ZC3H15: variants seen among roughly 807,000 people sequenced by gnomAD.
The protein encoded by ZC3H15 is zinc finger CCCH-type containing 15, also known as zinc finger CCCH domain-containing protein 15.
ZC3H15 carries 15 observed loss-of-function variants against 51.2 expected under a neutral mutation model. That is an observed-to-expected ratio of 0.29 (90% CI 0.20 to 0.45). The LOEUF is 0.45. ZC3H15 is among the 20% of genes least tolerant of loss of function. ZC3H15 has a pLI of 1.00. For synonymous variants in ZC3H15, 144 were observed against 162.8 expected (o/e 0.88, Z 0.88); for missense variants, 381 against 494.7 (o/e 0.77, Z 2.18).
At chr2:186,506,430 T>G (rs184392705) in intron 8 of ZC3H15, among the ~76,000 whole-genome samples, 7 of 152,364 alleles carry the variant, frequency 4.6e-5, no homozygotes, top group Non-Finnish European at 8.8e-5. Flanking sequence ...AAACGAAGTT[T>G]AGAAAAAATA....
In ZC3H15 at chr2:186,490,556, A is replaced by C. The variant is rs187845376; in HGVS notation, c.75+4099A>C. Among the ~76,000 whole-genome samples, 5 of 152,300 alleles carry C rather than the reference A, an allele frequency of 3.3e-5. No individual in the cohort carries two copies. The East Asian group carries it at 9.7e-4, about 29-fold the overall frequency. ...TTGCATGGATGGACAACAAGAATAC[A>C]TTAGTGCATTTGGGAGAAAACTAAT... is the stretch of plus-strand genomic sequence containing the variant. On this transcript the variant is annotated intron_variant, in intron 1 of 9. Transcript: ENST00000337859.
chr2:186,495,406 C>A, intron 2 of ZC3H15, 72 bp downstream of exon 2: 1 of 926,086 alleles, frequency 1.1e-6, no homozygotes, highest in Non-Finnish European at 1.5e-6. Context: ...GATAAAATGT[C>A]TGGTATTATT....
chr2:186,508,963 T>G lies in ZC3H15; in HGVS notation c.*230T>G. On this transcript the variant is annotated 3_prime_UTR_variant, in exon 10 of 10. Transcript: ENST00000337859. ...GATAAATTGAAAATATAATGGTCAT[T>G]GCAGAAAATGATTGATGTTGTAACT... 1.6e-6 allele frequency: 1 copy of G among 618,830 alleles called. No individual in the cohort carries two copies. The highest frequency in any genetic ancestry group is 3.0e-6 in the Non-Finnish European group (1 of 335,912). The allele number at this position is 618,830 out of a possible 1,614,324, so 38.3% of individuals were successfully genotyped here.
At chr2:186,498,373 G>A (rs114535851) in intron 2 of ZC3H15, among the ~76,000 whole-genome samples, 1,870 of 152,192 alleles carry the variant, frequency 0.012, 37 homozygotes, top group African/African-American at 0.042. Context: ...TATATTTGTC[G>A]AGTAGGGTTA....
chr2:186,500,578 G>C (rs751868346), intron 3 of ZC3H15: 7 of 549,218 alleles, frequency 1.3e-5, no homozygotes, highest in South Asian at 9.2e-5. Flanking sequence ...TTTGGTAGTA[G>C]GTAAGCAAAG....
intron 2 of ZC3H15, among the ~76,000 whole-genome samples, chr2:186,496,630 C>T (rs76904816): frequency 0.074 from 11,215 of 152,250 alleles, 641 homozygotes; most frequent in South Asian, 0.13. Context: ...AGAAATGTGT[C>T]GTTAGGCGAT....
intron 2 of ZC3H15, chr2:186,496,979 G>A (rs1030621107): frequency 3.1e-6 from 1 of 322,434 alleles, no homozygotes; most frequent in African/African-American, 2.3e-5. Flanking sequence ...TATTTTTCCT[G>A]GTTGTTCTTA....
intron 4 of ZC3H15, 48 bp downstream of exon 4, chr2:186,501,473 C>T (rs373302711): frequency 3.3e-5 from 49 of 1,474,484 alleles, no homozygotes; most frequent in Non-Finnish European, 3.9e-5. Flanking sequence ...TGAATACTTT[C>T]GGTTTGCTAC....
In ZC3H15 at chr2:186,504,212, G is replaced by T; in HGVS notation, c.715G>T (p.Glu239Ter). The change falls in exon 6 of 10, where the codon GAG (glutamate) becomes TAG (stop). Residue 239 changes from glutamate (E) to a stop codon, truncating the protein, a stop_gained and splice_region_variant. Transcript: ENST00000337859. LOFTEE classifies it high-confidence loss of function. ...EISLEDLIER[E>*]RSALGPNVTK... is the part of the protein sequence containing the mutation. Reference sequence around the variant, plus strand: ...TTCATTAGAAGATCTAATTGAGAGAGAGGTAACTGGTATCCTTTTCCTACC... The same window carrying T: ...TTCATTAGAAGATCTAATTGAGAGATAGGTAACTGGTATCCTTTTCCTACC... The T allele has an allele frequency of 6.3e-7, 1 of 1,575,558 alleles. No homozygotes were observed. Among genetic ancestry groups the T allele is most frequent in the Non-Finnish European group, 8.6e-7 (1 of 1,160,896 alleles).
rs140181657 is a variant in ZC3H15, at chr2:186,509,134, G to T, written c.*401G>T. 10 of 447,190 alleles carry T rather than the reference G, an allele frequency of 2.2e-5. No individual in the cohort carries two copies. In the East Asian group the frequency reaches 7.0e-4, roughly 31 times the overall value. The allele number at this position is 447,190 out of a possible 1,614,324, so 27.7% of individuals were successfully genotyped here. On this transcript the variant is annotated 3_prime_UTR_variant, in exon 10 of 10. Transcript: ENST00000337859. The stretch of plus-strand genomic sequence containing the variant: ...GAGTGATTTAATTTCCTCTGTATTT[G>T]TATGTTTAGAAGACTGCCTAAAACA...
chr2:186,486,541 C>T (rs1230445995), intron 1 of ZC3H15, 84 bp downstream of exon 1: 69 of 1,438,350 alleles, frequency 4.8e-5, no homozygotes, highest in Admixed American at 6.8e-5. Context: ...GGAGCCGGCT[C>T]GCTTCCTCGG....
At chr2:186,499,188 C>T (rs1434762387) in intron 2 of ZC3H15, among the ~76,000 whole-genome samples, 2 of 152,154 alleles carry the variant, frequency 1.3e-5, no homozygotes, top group African/African-American at 4.8e-5. Context: ...TTATTGTGTA[C>T]AGCAGTTGCA....
rs1394058140 is a variant in ZC3H15, at chr2:186,508,529, G to A, written c.1091-14G>A. On this transcript the variant is annotated splice_polypyrimidine_tract_variant and intron_variant, in intron 9 of 9. Coordinates refer to ENST00000337859, the MANE Select transcript of ZC3H15 (RefSeq NM_018471.3). ...CTGCTTCTACGCCTTACTGATTCCA[G>A]TTTTTATATTTAGAAAACAAATTAA... 6.2e-7 allele frequency: 1 copy of A among 1,612,644 alleles called. No individual in the cohort carries two copies. The highest frequency in any genetic ancestry group is 1.1e-5 in the South Asian group (1 of 90,974).
intron 5 of ZC3H15, among the ~76,000 whole-genome samples, chr2:186,503,738 G>A (rs1685424492): frequency 6.6e-6 from 1 of 152,084 alleles, no homozygotes; most frequent in South Asian, 2.1e-4. Flanking sequence ...CATTTACAAA[G>A]GGTAACTGAA....
chr2:186,492,378 G>C (rs1435064506), intron 1 of ZC3H15, among the ~76,000 whole-genome samples: 1 of 152,212 alleles, frequency 6.6e-6, no homozygotes, highest in African/African-American at 2.4e-5. Flanking sequence ...AACAAGGGAA[G>C]CCATCCGTAA....
intron 2 of ZC3H15, among the ~76,000 whole-genome samples, chr2:186,498,659 T>C (rs949939323): frequency 6.6e-6 from 1 of 152,226 alleles, no homozygotes; most frequent in Non-Finnish European, 1.5e-5. Context: ...TTTCCTAAAA[T>C]TTCCTCTTTC....
Position 186,505,861 on chromosome 2 carries a change from C to T in ZC3H15, c.966+20C>T, listed in dbSNP as rs1473154593. On this transcript the variant is annotated intron_variant, in intron 8 of 9. Transcript: ENST00000337859. ...GATGAGGTAAGAGGAAGCTTTGTGC[C>T]TCATCTCCTTATGTTAATTGAAAGA... is the stretch of plus-strand genomic sequence containing the variant. 3 of 1,608,482 alleles carry T rather than the reference C, an allele frequency of 1.9e-6. No individual in the cohort carries two copies. Among genetic ancestry groups the T allele is most frequent in the Non-Finnish European group, 2.6e-6 (3 of 1,176,118 alleles).
At chr2:186,508,169 AT>A in intron 9 of ZC3H15, among the ~76,000 whole-genome samples, 1 of 152,292 alleles carries the variant, frequency 6.6e-6, no homozygotes, top group African/African-American at 2.4e-5. Context: ...AGCTGCTTAT[AT>A]TACAAACATT....
chr2:186,505,767 C>A lies in ZC3H15; in HGVS notation c.892C>A (p.Arg298Ser). Residue 298 changes from arginine to serine, a missense_variant, in exon 8 of 10, where the codon CGT (arginine) becomes AGT (serine). By Grantham distance (110) the Arg-to-Ser change is moderately radical. Coordinates refer to ENST00000337859, the MANE Select transcript of ZC3H15 (RefSeq NM_018471.3). ...VISGREVFEF[R>S]PELVNDDDEE... ...CAGTGGTCGTGAAGTGTTTGAATTTCGTCCTGAACTGGTCAATGATGATGA... is the reference window on the plus strand; with the variant it reads ...CAGTGGTCGTGAAGTGTTTGAATTTAGTCCTGAACTGGTCAATGATGATGA... 6.2e-7 allele frequency: 1 copy of A among 1,614,020 alleles called. No homozygotes were observed. The highest frequency in any genetic ancestry group is 8.5e-7 in the Non-Finnish European group (1 of 1,179,964).
Sources: gnomAD v4.1 joint callset for allele counts (sites outside exome capture counted in the v4.1 genomes callset) on GRCh38, gnomAD v4.1.1 for gene constraint, MANE v1.5 for transcripts, NCBI Gene and HGNC (gene_info 2026-07-23, HGNC 2026-07-21) for gene names.